OR1L8: variants seen among roughly 807,000 people sequenced by gnomAD.
OR1L8 encodes olfactory receptor 1L8.
For synonymous variants in OR1L8, 148 were observed against 147.0 expected (o/e 1.01, Z -0.05); for missense variants, 330 against 377.4 (o/e 0.87, Z 1.04).
downstream of OR1L8, among the ~76,000 whole-genome samples, chr9:122,566,644 A>G (rs1175675328): frequency 6.6e-6 from 1 of 152,172 alleles, no homozygotes; most frequent in African/African-American, 2.4e-5. Flanking sequence ...ATTTTTACCT[A>G]TTATAAACTG....
chr9:122,583,245 A>C (rs1829759942), intron 1 of OR1L8, 76 bp downstream of exon 1: 1 of 151,980 alleles, frequency 6.6e-6, no homozygotes, highest in African/African-American at 2.4e-5. Flanking sequence ...CATTCTATAA[A>C]ATATTTCATC....
downstream of OR1L8, among the ~76,000 whole-genome samples, chr9:122,562,530 G>A (rs113320926): frequency 1.3e-5 from 2 of 152,146 alleles, no homozygotes; most frequent in Non-Finnish European, 2.9e-5. Context: ...TGGGTAGCAC[G>A]CTCACTCACC....
chr9:122,579,392 C>G (rs1190451157), intron 1 of OR1L8, among the ~76,000 whole-genome samples: 4 of 151,696 alleles, frequency 2.6e-5, no homozygotes, highest in Non-Finnish European at 5.9e-5. Context: ...AATACCTATC[C>G]CTTGTCTGGA....
At chr9:122,566,397 C>G (rs1203308040), downstream of OR1L8, among the ~76,000 whole-genome samples, 1 of 152,190 alleles carries the variant, frequency 6.6e-6, no homozygotes, top group Non-Finnish European at 1.5e-5. Flanking sequence ...CCCTGCCCTT[C>G]CATTCTTACC....
the OR1L8 span, among the ~76,000 whole-genome samples, chr9:122,547,358 T>G: frequency 6.6e-6 from 1 of 152,166 alleles, no homozygotes; most frequent in Admixed American, 6.6e-5. Context: ...TTTGATTGTT[T>G]TATTTTATTT....
chr9:122,556,874 A>G, the OR1L8 span, among the ~76,000 whole-genome samples: 2 of 152,268 alleles, frequency 1.3e-5, no homozygotes, highest in African/African-American at 2.4e-5. Context: ...GAGTTTTCCT[A>G]TACATGAACA....
intron 4 of OR1L8, among the ~76,000 whole-genome samples, chr9:122,572,050 G>A (rs545373366): frequency 6.6e-6 from 1 of 152,196 alleles, no homozygotes; most frequent in African/African-American, 2.4e-5. Context: ...GCCGGAGCAG[G>A]CATCTTACAT....
chr9:122,571,327 G>A (rs186307593), intron 4 of OR1L8, among the ~76,000 whole-genome samples: 44 of 152,164 alleles, frequency 2.9e-4, no homozygotes, highest in Admixed American at 1.0e-3. Context: ...TGAGGCAGGC[G>A]GATCACAAGG....
At chr9:122,551,117 A>T in the OR1L8 span, among the ~76,000 whole-genome samples, 1 of 152,170 alleles carries the variant, frequency 6.6e-6, no homozygotes, top group Non-Finnish European at 1.5e-5. Context: ...ACTAATAACA[A>T]TCAAGCTGAG....
At chr9:122,562,295 C>T (rs368982110), downstream of OR1L8, among the ~76,000 whole-genome samples, 16 of 152,248 alleles carry the variant, frequency 1.1e-4, no homozygotes, top group East Asian at 5.8e-4. Context: ...CTGCCCCTCC[C>T]GCAGGGAGCT....
At chr9:122,570,387 T>G (rs1172568247) in intron 4 of OR1L8, among the ~76,000 whole-genome samples, 1 of 152,260 alleles carries the variant, frequency 6.6e-6, no homozygotes, top group Non-Finnish European at 1.5e-5. Context: ...ACATTGTGAA[T>G]GGGCCTTAAT....
the OR1L8 span, among the ~76,000 whole-genome samples, chr9:122,549,432 G>A: frequency 1.3e-5 from 2 of 152,064 alleles, no homozygotes; most frequent in Non-Finnish European, 1.5e-5. Flanking sequence ...AATGCAAATG[G>A]ACTCACACAA....
the OR1L8 span, among the ~76,000 whole-genome samples, chr9:122,560,655 C>T: frequency 6.6e-6 from 1 of 152,080 alleles, no homozygotes; most frequent in Non-Finnish European, 1.5e-5. Context: ...AATATTGACC[C>T]CCACTCTCTT....
chr9:122,553,635 C>T, the OR1L8 span: 56 of 1,614,030 alleles, frequency 3.5e-5, no homozygotes, highest in Non-Finnish European at 4.4e-5. Flanking sequence ...TATGAGTCCC[C>T]AGCTCTGTGC....
At chr9:122,571,687 G>A (rs555425958) in intron 4 of OR1L8, among the ~76,000 whole-genome samples, 53 of 150,786 alleles carry the variant, frequency 3.5e-4, no homozygotes, top group African/African-American at 1.2e-3. Flanking sequence ...CTGCACTCCA[G>A]CCTGGCGACA....
At chr9:122,552,038 C>G in the OR1L8 span, among the ~76,000 whole-genome samples, 1 of 61,502 alleles carries the variant, frequency 1.6e-5, no homozygotes, top group Non-Finnish European at 3.0e-5. Flanking sequence ...AGGACACATA[C>G]ACACACACAC....
chr9:122,554,648 C>T, the OR1L8 span, among the ~76,000 whole-genome samples: 6 of 152,160 alleles, frequency 3.9e-5, no homozygotes, highest in African/African-American at 9.7e-5. Flanking sequence ...TTATGCCTAT[C>T]GACTCCCTTT....
intron 2 of OR1L8, among the ~76,000 whole-genome samples, chr9:122,577,686 T>TGTAAA (rs774705012): frequency 7.5e-4 from 114 of 152,336 alleles, no homozygotes; most frequent in Middle Eastern, 3.4e-3. Context: ...CAGGTGGAAA[T>TGTAAA]GTAAAGTATC....
chr9:122,579,766 T>C (rs1166966361), intron 1 of OR1L8, among the ~76,000 whole-genome samples: 1 of 151,930 alleles, frequency 6.6e-6, no homozygotes, highest in East Asian at 1.9e-4. Context: ...AAGAAAAAAT[T>C]GTCATTGATG....
Sources: allele counts gnomAD v4.1 joint callset (sites outside exome capture counted in the v4.1 genomes callset), GRCh38; gene constraint gnomAD v4.1.1; transcripts MANE v1.5; gene names NCBI Gene and HGNC (gene_info 2026-07-23, HGNC 2026-07-21).